Variants in FANCC observed in about 807,000 individuals in gnomAD.
The protein encoded by FANCC is FA complementation group C, also known as Fanconi anemia group C protein.
In FANCC, 55 loss-of-function variants were observed where a neutral mutation model predicts 71.3. The ratio of observed to expected loss-of-function variants is 0.77; its 90% confidence interval spans 0.62 to 0.97. The LOEUF (loss-of-function observed/expected upper bound fraction) is 0.97. FANCC is among the 50% of genes least tolerant of loss of function. FANCC has a pLI of 0.00. For synonymous variants in FANCC, 275 were observed against 244.9 expected (o/e 1.12, Z -1.15); for missense variants, 678 against 670.9 (o/e 1.01, Z -0.12).
At chr9:95,133,368 G>A (rs1462079811) in intron 8 of FANCC, among the ~76,000 whole-genome samples, 4 of 152,198 alleles carry the variant, frequency 2.6e-5, no homozygotes, top group Admixed American at 2.0e-4. Flanking sequence ...ACACCCTCTA[G>A]AATCCCCCTT....
At chr9:95,309,859 C>G (rs2136411338) in intron 1 of FANCC, among the ~76,000 whole-genome samples, 1 of 152,234 alleles carries the variant, frequency 6.6e-6, no homozygotes, top group African/African-American at 2.4e-5. Context: ...CAACACCTAG[C>G]CTCCAGAATC....
intron 4 of FANCC, among the ~76,000 whole-genome samples, chr9:95,236,167 T>TC (rs1440037497): frequency 2.0e-5 from 3 of 152,212 alleles, no homozygotes; most frequent in African/African-American, 7.2e-5. Context: ...TGTCTTTTTT[T>TC]CTTTCTATCA....
intron 4 of FANCC, among the ~76,000 whole-genome samples, chr9:95,172,541 A>G (rs1825755007): frequency 6.6e-6 from 1 of 152,130 alleles, no homozygotes; most frequent in South Asian, 2.1e-4. Flanking sequence ...CAAGGGTGGC[A>G]CATTGCACAC....
chr9:95,231,718 A>C (rs1830021468), intron 4 of FANCC, among the ~76,000 whole-genome samples: 1 of 152,226 alleles, frequency 6.6e-6, no homozygotes, highest in Non-Finnish European at 1.5e-5. Context: ...ATTAACCTAA[A>C]GAGGAATTCT....
intron 6 of FANCC, among the ~76,000 whole-genome samples, chr9:95,157,562 T>C (rs181004436): frequency 2.6e-5 from 4 of 152,346 alleles, no homozygotes; most frequent in Non-Finnish European, 5.9e-5. Context: ...AGTACATGGT[T>C]ACCGTCTAGC....
chr9:95,280,955 T>C (rs1833353327), intron 1 of FANCC, among the ~76,000 whole-genome samples: 1 of 152,060 alleles, frequency 6.6e-6, no homozygotes, highest in African/African-American at 2.4e-5. Context: ...ATTGTTCAAT[T>C]AGAGGAGTAT....
At chr9:95,220,136 A>T (rs1829142983) in intron 4 of FANCC, among the ~76,000 whole-genome samples, 1 of 152,260 alleles carries the variant, frequency 6.6e-6, no homozygotes, top group Admixed American at 6.5e-5. Context: ...ATCACTGGTC[A>T]TCAGAGAAAT....
intron 8 of FANCC, chr9:95,126,862 G>GT: frequency 2.4e-6 from 1 of 419,722 alleles, no homozygotes. Flanking sequence ...TACAGAATCA[G>GT]TAAGTATTAG....
chr9:95,254,051 C>T (rs1831512368), intron 1 of FANCC, among the ~76,000 whole-genome samples: 1 of 152,270 alleles, frequency 6.6e-6, no homozygotes, highest in South Asian at 2.1e-4. Flanking sequence ...CGGACTGGTA[C>T]CGGTCTGTGG....
intron 6 of FANCC, among the ~76,000 whole-genome samples, chr9:95,168,095 C>A (rs942941394): frequency 6.6e-6 from 1 of 152,116 alleles, no homozygotes; most frequent in Non-Finnish European, 1.5e-5. Flanking sequence ...TTCAAGAGCT[C>A]CTAATCTTCC....
At chr9:95,234,638 G>A (rs561425189) in intron 4 of FANCC, among the ~76,000 whole-genome samples, 17 of 152,266 alleles carry the variant, frequency 1.1e-4, no homozygotes, top group African/African-American at 4.1e-4. Context: ...TAGTATATTT[G>A]TCAGTTATCC....
In FANCC at chr9:95,117,372, T is replaced by C. The variant is rs145497019; in HGVS notation, c.1015A>G (p.Thr339Ala). ...ASKQLRFALK[T>A]YFPYTSPSLA... ...GATGGAGAAGTGTAAGGAAAGTAGG[T>C]CTTGAGTGCAAACCGCAGCTGCCAC... is the stretch of plus-strand genomic sequence containing the variant. The change falls in exon 11 of 15, where the codon ACC becomes GCC. Residue 339 changes from threonine to alanine, a missense_variant. Physicochemically the swap from Thr to Ala is moderately conservative, Grantham distance 58 (BLOSUM62 0). Coordinates refer to ENST00000289081, the MANE Select transcript of FANCC (RefSeq NM_000136.3). 1.2e-6 allele frequency: 2 copies of C among 1,613,832 alleles called. No homozygotes were observed. The highest frequency in any genetic ancestry group is 1.3e-5 in the African/African-American group (1 of 74,902).
At chr9:95,122,881 T>C (rs550633370) in intron 10 of FANCC, among the ~76,000 whole-genome samples, 17 of 152,094 alleles carry the variant, frequency 1.1e-4, no homozygotes, top group Non-Finnish European at 2.1e-4. Context: ...AAAATAACCG[T>C]GAGGGCCAGC....
At chr9:95,168,719 C>A (rs189287765) in intron 6 of FANCC, among the ~76,000 whole-genome samples, 1 of 152,082 alleles carries the variant, frequency 6.6e-6, no homozygotes, top group Non-Finnish European at 1.5e-5. Context: ...AGTAGAGATG[C>A]GGTTTTGACA....
chr9:95,125,354 G>A (rs1376901552), intron 9 of FANCC, among the ~76,000 whole-genome samples, 169 bp from the exon 10 acceptor site: 12 of 152,130 alleles, frequency 7.9e-5, no homozygotes, highest in Admixed American at 5.9e-4. Context: ...TAAATTTGTC[G>A]CTCCCTGTTA....
At chr9:95,277,979 AT>A (rs1198680339) in intron 1 of FANCC, among the ~76,000 whole-genome samples, 1 of 152,192 alleles carries the variant, frequency 6.6e-6, no homozygotes, top group South Asian at 2.1e-4. Flanking sequence ...ATAAATGCAC[AT>A]TTTTTCTCTC....
In FANCC at chr9:95,290,614, C is replaced by T. The variant is rs563355836; in HGVS notation, c.-79+26912G>A. Among the ~76,000 whole-genome samples, 4 of 152,206 alleles carry T rather than the reference C, an allele frequency of 2.6e-5. No individual in the cohort carries two copies. In the South Asian group the frequency reaches 8.3e-4, roughly 32 times the overall value. ...TAACCAGAGCTCAGTCCAACAAGAC[C>T]TCTGGAAAATGGGACAAAACACACT... On this transcript the variant is annotated intron_variant, in intron 1 of 14. Transcript: ENST00000289081.
intron 6 of FANCC, among the ~76,000 whole-genome samples, chr9:95,164,575 T>C (rs1830953463): frequency 6.6e-6 from 1 of 152,234 alleles, no homozygotes; most frequent in Non-Finnish European, 1.5e-5. Context: ...TTTTTGTTCA[T>C]CATTTTATTA....
chr9:95,184,147 T>G (rs9792530), intron 4 of FANCC, among the ~76,000 whole-genome samples: 1 of 152,036 alleles, frequency 6.6e-6, no homozygotes, highest in Non-Finnish European at 1.5e-5. Flanking sequence ...ATTAAAAAAA[T>G]TTAATGTAAT....
Sources: gnomAD v4.1 joint callset for allele counts (sites outside exome capture counted in the v4.1 genomes callset) on GRCh38, gnomAD v4.1.1 for gene constraint, MANE v1.5 for transcripts, NCBI Gene and HGNC (gene_info 2026-07-23, HGNC 2026-07-21) for gene names.